The following SORBS2 variants were observed in gnomAD, a reference collection of about 807,000 sequenced individuals.
SORBS2 encodes the protein sorbin and SH3 domain containing 2.
Under a neutral mutation model 97.7 loss-of-function variants are expected in SORBS2, and 46 were observed. That is an observed-to-expected ratio of 0.47 (90% CI 0.37 to 0.60). The LOEUF (loss-of-function observed/expected upper bound fraction) is 0.60, where lower values mean the gene tolerates loss of function less well. Ranked by LOEUF, SORBS2 falls within the 20% of genes least tolerant of loss-of-function variation. The pLI is 0.00. For missense variants in SORBS2, 1,316 were observed against 1,282.3 expected, an observed-to-expected ratio of 1.03 and a Z score of -0.40; for synonymous variants, 476 against 473.4, an observed-to-expected ratio of 1.01 and a Z score of -0.07.
intron 12 of SORBS2, among the ~76,000 whole-genome samples, chr4:185,598,445 A>G (rs1176789850): frequency 6.6e-6 from 1 of 152,240 alleles, no homozygotes; most frequent in Non-Finnish European, 1.5e-5. Flanking sequence ...TTGAAACATC[A>G]TGGAGTCTGT....
intron 1 of SORBS2, among the ~76,000 whole-genome samples, chr4:185,870,774 G>A (rs143415048): frequency 2.6e-5 from 4 of 152,344 alleles, no homozygotes; most frequent in Middle Eastern, 3.4e-3. Flanking sequence ...GCCCACTGCT[G>A]TGCTTTTACA....
At chr4:185,741,155 G>T (rs1583858070) in intron 2 of SORBS2, among the ~76,000 whole-genome samples, 3 of 152,002 alleles carry the variant, frequency 2.0e-5, no homozygotes, top group Admixed American at 2.0e-4. Context: ...GACTAAATAT[G>T]ACTCTGTCTA....
chr4:185,780,957 A>G (rs981242679), intron 1 of SORBS2, among the ~76,000 whole-genome samples: 4 of 152,136 alleles, frequency 2.6e-5, no homozygotes, highest in Non-Finnish European at 4.4e-5. Flanking sequence ...TTTATTTTTG[A>G]GATGGAGTTT....
At chr4:185,807,807 A>G (rs1427275448) in intron 1 of SORBS2, among the ~76,000 whole-genome samples, 1 of 152,226 alleles carries the variant, frequency 6.6e-6, no homozygotes, top group African/African-American at 2.4e-5. Flanking sequence ...GCATATCCAT[A>G]ATTAAATTGT....
At chr4:185,664,713 T>A (rs1470201548) in intron 4 of SORBS2, among the ~76,000 whole-genome samples, 1 of 152,260 alleles carries the variant, frequency 6.6e-6, no homozygotes, top group Non-Finnish European at 1.5e-5. Context: ...TTACTTTATG[T>A]AAATTGTAGT....
At chr4:185,931,922 G>A (rs1009192128) in intron 1 of SORBS2, among the ~76,000 whole-genome samples, 4 of 151,926 alleles carry the variant, frequency 2.6e-5, no homozygotes, top group Non-Finnish European at 4.4e-5. Context: ...GTAAAAGTGT[G>A]TGGAAAAGAA....
At chr4:185,760,262 C>T (rs1360632705) in intron 2 of SORBS2, among the ~76,000 whole-genome samples, 1 of 152,168 alleles carries the variant, frequency 6.6e-6, no homozygotes, top group African/African-American at 2.4e-5. Flanking sequence ...GAAAAATTAA[C>T]AAAATGTGGC....
intron 1 of SORBS2, among the ~76,000 whole-genome samples, chr4:185,828,405 G>A (rs1333930561): frequency 6.6e-6 from 1 of 152,066 alleles, no homozygotes; most frequent in African/African-American, 2.4e-5. Flanking sequence ...GGAGCTGGGT[G>A]AGTGGACACC....
At chr4:185,906,039 C>T (rs1020040319) in intron 1 of SORBS2, among the ~76,000 whole-genome samples, 4 of 152,104 alleles carry the variant, frequency 2.6e-5, no homozygotes, top group African/African-American at 7.2e-5. Context: ...TGGTCCACTC[C>T]CATTTTTTTT....
intron 12 of SORBS2, among the ~76,000 whole-genome samples, chr4:185,604,267 C>T (rs571407912): frequency 1.2e-4 from 18 of 152,234 alleles, no homozygotes; most frequent in African/African-American, 3.9e-4. Context: ...TGTGAGAGGG[C>T]GCAAATCTGA....
intron 2 of SORBS2, among the ~76,000 whole-genome samples, chr4:185,713,387 T>G (rs1317483807): frequency 6.6e-6 from 1 of 152,204 alleles, no homozygotes; most frequent in Non-Finnish European, 1.5e-5. Context: ...GAACACTTCT[T>G]ATCACCTCTC....
At chr4:185,907,721 C>T (rs192867420) in intron 1 of SORBS2, among the ~76,000 whole-genome samples, 89 of 152,248 alleles carry the variant, frequency 5.8e-4, no homozygotes, top group African/African-American at 2.1e-3. Context: ...GGTATAGATA[C>T]GGAACTCTTA....
chr4:185,864,561 C>T (rs2099225717), intron 1 of SORBS2, among the ~76,000 whole-genome samples: 1 of 152,148 alleles, frequency 6.6e-6, no homozygotes. Flanking sequence ...GAAGTGGAGG[C>T]AGGCAAAGAA....
intron 5 of SORBS2, 28 bp downstream of exon 17, chr4:185,630,521 T>C (rs1296551922): frequency 1.4e-6 from 2 of 1,462,098 alleles, no homozygotes; most frequent in African/African-American, 1.4e-5. Context: ...GTATAGAATA[T>C]TCTGCTACAA....
rs1056134058 is a variant in SORBS2 at position 185,906,742 on chromosome 4, G to A, written c.-338+49454C>T. Reference sequence around the variant, plus strand: ...TGTGAATATGGTATTCTATCTATACGAAAAGACAAAGATCTTTCTTCTAAT... The same window carrying A: ...TGTGAATATGGTATTCTATCTATACAAAAAGACAAAGATCTTTCTTCTAAT... On this transcript the variant is annotated intron_variant, in intron 1 of 20. Transcript: ENST00000284776. Among the ~76,000 whole-genome samples the A allele has an allele frequency of 2.6e-5, 4 of 152,140 alleles. No individual in the cohort carries two copies. The South Asian group carries it at 8.3e-4, about 32-fold the overall frequency.
intron 8 of SORBS2, 128 bp downstream of exon 20, chr4:185,619,935 G>C (rs2153418059): frequency 1.4e-6 from 1 of 721,428 alleles, no homozygotes; most frequent in East Asian, 2.5e-5. Flanking sequence ...AAGGAAAATT[G>C]TTTCTAGTTT....
chr4:185,871,697 C>T (rs528688619), intron 1 of SORBS2, among the ~76,000 whole-genome samples: 12 of 152,306 alleles, frequency 7.9e-5, no homozygotes, highest in East Asian at 1.9e-4. Context: ...TGTAGCTGAC[C>T]GGCATATTGC....
At chr4:185,688,455 T>C (rs1447584687) in intron 2 of SORBS2, among the ~76,000 whole-genome samples, 2 of 151,930 alleles carry the variant, frequency 1.3e-5, no homozygotes, top group African/African-American at 2.4e-5. Context: ...ATCTGCATTG[T>C]CTATCCATAT....
intron 1 of SORBS2, among the ~76,000 whole-genome samples, chr4:185,818,323 G>A (rs569273442): frequency 3.3e-5 from 5 of 152,122 alleles, no homozygotes; most frequent in East Asian, 2.0e-4. Context: ...CCGAGTAGCT[G>A]GGATTACAGG....
Sources: gnomAD v4.1 joint callset for allele counts (sites outside exome capture counted in the v4.1 genomes callset) on GRCh38, gnomAD v4.1.1 for gene constraint, MANE v1.5 for transcripts, NCBI Gene and HGNC (gene_info 2026-07-23, HGNC 2026-07-21) for gene names.